The following MTRF1 variants were observed in gnomAD, a reference collection of about 807,000 sequenced individuals.
MTRF1 encodes the protein peptide chain release factor 1, mitochondrial.
A neutral mutation model predicts 62.9 loss-of-function variants in MTRF1; 51 were observed. That is an observed-to-expected ratio of 0.81 (90% confidence interval 0.65 to 1.02). MTRF1 has a LOEUF of 1.02. MTRF1 is among the 50% of genes least tolerant of loss of function. The probability of loss-of-function intolerance (pLI) is 0.00; values close to 1 mark genes in which losing one functional copy is unlikely to be tolerated. For missense variants in MTRF1, 446 were observed against 530.0 expected (o/e 0.84, Z 1.56); for synonymous variants, 158 against 181.9 (o/e 0.87, Z 1.06).
At chr13:41,254,285 T>TGG (rs1178974244) in intron 3 of MTRF1, among the ~76,000 whole-genome samples, 1 of 152,216 alleles carries the variant, frequency 6.6e-6, no homozygotes, top group African/African-American at 2.4e-5. Context: ...ATTCTCTTGC[T>TGG]TAACAAGTTA....
At chr13:41,302,103 T>G in the MTRF1 span, among the ~76,000 whole-genome samples, 1 of 152,096 alleles carries the variant, frequency 6.6e-6, no homozygotes. Flanking sequence ...CTTGGCTCAT[T>G]GCAATCTCCC....
chr13:41,246,802 G>A (rs1036075286), intron 5 of MTRF1, among the ~76,000 whole-genome samples: 1 of 152,188 alleles, frequency 6.6e-6, no homozygotes, highest in African/African-American at 2.4e-5. Context: ...TTCATGTCAT[G>A]TGCAAATACT....
At chr13:41,257,303 A>C (rs1179921543) in intron 2 of MTRF1, among the ~76,000 whole-genome samples, 1 of 152,204 alleles carries the variant, frequency 6.6e-6, no homozygotes, top group Non-Finnish European at 1.5e-5. Context: ...ATTGTACTTG[A>C]ACTAGAACGC....
At chr13:41,242,513 A>G (rs561704781) in intron 5 of MTRF1, among the ~76,000 whole-genome samples, 2 of 152,352 alleles carry the variant, frequency 1.3e-5, no homozygotes, top group South Asian at 2.1e-4. Flanking sequence ...GGATTTGGTT[A>G]TAATTTCTAA....
the MTRF1 span, among the ~76,000 whole-genome samples, chr13:41,276,904 C>CA: frequency 6.6e-6 from 1 of 152,210 alleles, no homozygotes; most frequent in East Asian, 1.9e-4. Flanking sequence ...CCCATAGCTC[C>CA]ACCTGGACCC....
intron 3 of MTRF1, among the ~76,000 whole-genome samples, chr13:41,253,735 G>A (rs1026685479): frequency 6.6e-6 from 1 of 152,196 alleles, no homozygotes; most frequent in Non-Finnish European, 1.5e-5. Context: ...TATAGTCTAT[G>A]GGAGAGAATA....
chr13:41,267,724 G>A (rs2040856603), upstream of MTRF1, among the ~76,000 whole-genome samples: 2 of 151,970 alleles, frequency 1.3e-5, no homozygotes, highest in African/African-American at 2.4e-5. Flanking sequence ...AAATTAGCCA[G>A]GTGTGGTTCT....
upstream of MTRF1, among the ~76,000 whole-genome samples, chr13:41,265,143 T>A (rs1185951967): frequency 6.6e-6 from 1 of 152,134 alleles, no homozygotes; most frequent in Admixed American, 6.6e-5. Context: ...TTAGTCTTAG[T>A]CGGGCGTGGT....
chr13:41,265,726 A>C (rs2040827407), upstream of MTRF1, among the ~76,000 whole-genome samples: 1 of 152,180 alleles, frequency 6.6e-6, no homozygotes, highest in Non-Finnish European at 1.5e-5. Flanking sequence ...CCTACAAGCC[A>C]AGAGAAGAGG....
At chr13:41,281,683 G>A in the MTRF1 span, among the ~76,000 whole-genome samples, 1 of 152,106 alleles carries the variant, frequency 6.6e-6, no homozygotes, top group African/African-American at 2.4e-5. Context: ...CCCCATATCC[G>A]CCCATTCCAT....
the MTRF1 span, chr13:41,311,729 C>A: frequency 1.4e-6 from 1 of 735,560 alleles, no homozygotes; most frequent in Non-Finnish European, 2.2e-6. Context: ...CGGGACCCCA[C>A]TTTCCCGCTC....
upstream of MTRF1, among the ~76,000 whole-genome samples, chr13:41,268,019 A>T (rs76905155): frequency 7.3e-3 from 1,108 of 152,322 alleles, 12 homozygotes; most frequent in African/African-American, 0.025. Context: ...GGCATCAGCT[A>T]TTCCACTGAA....
At chr13:41,219,011 C>T (rs1170763707) in intron 9 of MTRF1, among the ~76,000 whole-genome samples, 3 of 152,132 alleles carry the variant, frequency 2.0e-5, no homozygotes, top group African/African-American at 7.2e-5. Context: ...TGTGACTAGG[C>T]CAGGAGCAGT....
At chr13:41,275,085 T>C in the MTRF1 span, among the ~76,000 whole-genome samples, 12 of 152,236 alleles carry the variant, frequency 7.9e-5, no homozygotes, top group Admixed American at 6.5e-5. Context: ...GATGTTAACA[T>C]CGTTCTCGAA....
chr13:41,234,942 G>T (rs1380034732), intron 6 of MTRF1, among the ~76,000 whole-genome samples: 4 of 152,116 alleles, frequency 2.6e-5, no homozygotes, highest in Admixed American at 6.5e-5. Flanking sequence ...TTTTAGTGGA[G>T]CAGCATCAGG....
chr13:41,252,555 A>G lies in MTRF1; in HGVS notation c.697+90T>C. 3.5e-6 allele frequency: 3 copies of G among 868,280 alleles called. No homozygotes were observed. In the East Asian group the frequency reaches 8.9e-5, roughly 26 times the overall value. 53.8% of individuals were successfully genotyped at this position (868,280 alleles called of 1,614,324 possible). The stretch of plus-strand genomic sequence containing the variant: ...TTAGTAGATATACACCAAAAGTTTC[A>G]AAAAAAAATGGGACAATATGGTTCT... On this transcript the variant is annotated intron_variant, in intron 5 of 9. Transcript: ENST00000379480.
chr13:41,282,527 C>T, the MTRF1 span, among the ~76,000 whole-genome samples: 1 of 152,174 alleles, frequency 6.6e-6, no homozygotes, highest in Non-Finnish European at 1.5e-5. Flanking sequence ...TCATCATTTC[C>T]CTAATTTCCC....
the MTRF1 span, among the ~76,000 whole-genome samples, chr13:41,299,986 A>T: frequency 6.6e-6 from 1 of 152,328 alleles, no homozygotes. Flanking sequence ...TCCTCAAGAA[A>T]GCCAGAAAGA....
At chr13:41,275,205 C>CT in the MTRF1 span, among the ~76,000 whole-genome samples, 91 of 145,780 alleles carry the variant, frequency 6.2e-4, no homozygotes, top group Middle Eastern at 3.6e-3. Context: ...ACTCCAATAA[C>CT]TTTTTTTTTT....
Sources: gnomAD v4.1 joint callset for allele counts (sites outside exome capture counted in the v4.1 genomes callset) on GRCh38, gnomAD v4.1.1 for gene constraint, MANE v1.5 for transcripts, NCBI Gene and HGNC (gene_info 2026-07-23, HGNC 2026-07-21) for gene names.